AFG2A: variants seen among roughly 807,000 people sequenced by gnomAD.
AFG2A encodes AAA ATPase AFG2A, also known as ATPase family gene 2 protein homolog A.
chr4:123,092,622 T>G, the AFG2A span, among the ~76,000 whole-genome samples: 1 of 152,212 alleles, frequency 6.6e-6, no homozygotes, highest in Non-Finnish European at 1.5e-5. Context: ...GGTTAGAATG[T>G]GGGCACAGCA....
At chr4:122,935,650 G>A in the AFG2A span, 1 of 1,476,222 alleles carries the variant, frequency 6.8e-7, no homozygotes, top group Non-Finnish European at 9.0e-7. Context: ...GTTTGAACTT[G>A]TATGACAACA....
the AFG2A span, among the ~76,000 whole-genome samples, chr4:123,229,820 G>A: frequency 6.6e-6 from 1 of 151,840 alleles, no homozygotes; most frequent in East Asian, 1.9e-4. Context: ...GTGCTCTGAG[G>A]AGAAATTTGG....
At chr4:123,277,030 A>T in the AFG2A span, among the ~76,000 whole-genome samples, 2 of 152,152 alleles carry the variant, frequency 1.3e-5, no homozygotes, top group Non-Finnish European at 2.9e-5. Flanking sequence ...TGTCATTCGT[A>T]ATTTGATAGG....
the AFG2A span, among the ~76,000 whole-genome samples, chr4:123,080,891 T>C: frequency 1.3e-5 from 2 of 152,204 alleles, no homozygotes; most frequent in Non-Finnish European, 2.9e-5. Flanking sequence ...AACATTTTTC[T>C]AATTGACTGA....
At chr4:123,171,298 G>A in the AFG2A span, among the ~76,000 whole-genome samples, 4 of 151,982 alleles carry the variant, frequency 2.6e-5, no homozygotes, top group Admixed American at 2.6e-4. Context: ...GTTTTTGTCA[G>A]GATGGGTTTT....
chr4:123,011,313 T>C, the AFG2A span, among the ~76,000 whole-genome samples: 1 of 152,218 alleles, frequency 6.6e-6, no homozygotes, highest in Non-Finnish European at 1.5e-5. Flanking sequence ...AGGCTTTTTA[T>C]TTCCATGTAT....
the AFG2A span, chr4:123,028,531 G>C: frequency 1.5e-6 from 1 of 674,678 alleles, no homozygotes; most frequent in Non-Finnish European, 2.5e-6. Flanking sequence ...GATGTTGATG[G>C]CAATATAATA....
chr4:123,136,838 A>G, the AFG2A span, among the ~76,000 whole-genome samples: 3,117 of 145,384 alleles, frequency 0.021, 103 homozygotes, highest in African/African-American at 0.08. Flanking sequence ...GTGAAACTCC[A>G]TCTCAAAAAA....
At chr4:123,264,981 A>G in the AFG2A span, among the ~76,000 whole-genome samples, 16 of 152,092 alleles carry the variant, frequency 1.1e-4, no homozygotes, top group African/African-American at 3.9e-4. Flanking sequence ...GGATCTTGGG[A>G]TCTTAGTCAA....
chr4:123,105,830 A>G, the AFG2A span, among the ~76,000 whole-genome samples: 71 of 152,364 alleles, frequency 4.7e-4, no homozygotes, highest in Non-Finnish European at 9.0e-4. Context: ...TGAGCAAATA[A>G]AGTGATTTCT....
chr4:123,315,155 T>A, the AFG2A span: 1 of 148,160 alleles, frequency 6.7e-6, no homozygotes, highest in Admixed American at 7.0e-5. Flanking sequence ...ACCAGTAAAC[T>A]TTTTAGTTCA....
chr4:123,260,431 T>C, the AFG2A span, among the ~76,000 whole-genome samples: 1 of 152,236 alleles, frequency 6.6e-6, no homozygotes, highest in African/African-American at 2.4e-5. Flanking sequence ...CACCTTCTAG[T>C]TTGCCTCATT....
chr4:123,137,579 T>C, the AFG2A span, among the ~76,000 whole-genome samples: 1 of 152,204 alleles, frequency 6.6e-6, no homozygotes, highest in Non-Finnish European at 1.5e-5. Context: ...AACATGTATG[T>C]ATTATTTTAT....
the AFG2A span, among the ~76,000 whole-genome samples, chr4:123,078,579 T>G: frequency 6.6e-6 from 1 of 152,194 alleles, no homozygotes; most frequent in East Asian, 1.9e-4. Flanking sequence ...AAATAAATGG[T>G]CACATCATAA....
At chr4:123,107,546 G>T in the AFG2A span, among the ~76,000 whole-genome samples, 1 of 152,300 alleles carries the variant, frequency 6.6e-6, no homozygotes, top group East Asian at 1.9e-4. Flanking sequence ...TCTGGGCCGA[G>T]GTCTCCACAT....
At chr4:123,179,445 ATTC>A in the AFG2A span, among the ~76,000 whole-genome samples, 1 of 152,116 alleles carries the variant, frequency 6.6e-6, no homozygotes, top group Non-Finnish European at 1.5e-5. Context: ...GGTCCAAGTG[ATTC>A]TTGATTCTCA....
At chr4:122,930,139 C>T in the AFG2A span, among the ~76,000 whole-genome samples, 3 of 152,108 alleles carry the variant, frequency 2.0e-5, no homozygotes, top group South Asian at 4.1e-4. Context: ...GTTGATTATT[C>T]GATTTAGTAA....
At chr4:123,056,342 A>G in the AFG2A span, 2 of 1,554,250 alleles carry the variant, frequency 1.3e-6, no homozygotes, top group African/African-American at 2.8e-5. Context: ...AATATACATG[A>G]TTGCATTTAT....
chr4:123,264,678 G>C, the AFG2A span, among the ~76,000 whole-genome samples: 6 of 152,208 alleles, frequency 3.9e-5, no homozygotes, highest in Middle Eastern at 0.01. Flanking sequence ...CCCTTCTTCA[G>C]CATTTTATGA....
Sources: gnomAD v4.1 joint callset for allele counts (sites outside exome capture counted in the v4.1 genomes callset) on GRCh38, gnomAD v4.1.1 for gene constraint, MANE v1.5 for transcripts, NCBI Gene and HGNC (gene_info 2026-07-23, HGNC 2026-07-21) for gene names.